Variants in RNF220 observed in about 807,000 individuals in gnomAD.
The protein encoded by RNF220 is ring finger protein 220, also known as E3 ubiquitin-protein ligase RNF220.
Under a neutral mutation model 67.1 loss-of-function variants are expected in RNF220, and 7 were observed. The observed-to-expected ratio is 0.10, with a 90% confidence interval of 0.06 to 0.20. The LOEUF (loss-of-function observed/expected upper bound fraction) is 0.20, where lower values mean the gene tolerates loss of function less well. RNF220 is among the 10% of genes least tolerant of loss of function. The pLI is 1.00. For synonymous variants in RNF220, 270 were observed against 283.2 expected (o/e 0.95, Z 0.47); for missense variants, 565 against 740.3 (o/e 0.76, Z 2.75).
At chr1:44,441,068 C>G (rs988296795) in intron 2 of RNF220, among the ~76,000 whole-genome samples, 1 of 152,154 alleles carries the variant, frequency 6.6e-6, no homozygotes, top group African/African-American at 2.4e-5. Context: ...CATCCCCTCA[C>G]CTAGAACCTG....
At chr1:44,480,049 A>G (rs758569359) in intron 2 of RNF220, among the ~76,000 whole-genome samples, 1 of 152,208 alleles carries the variant, frequency 6.6e-6, no homozygotes, top group Non-Finnish European at 1.5e-5. Flanking sequence ...GCCTAGTCCC[A>G]AAGCCAATGT....
At chr1:44,409,470 T>G (rs1202672323) in intron 1 of RNF220, among the ~76,000 whole-genome samples, 2 of 152,256 alleles carry the variant, frequency 1.3e-5, no homozygotes, top group African/African-American at 4.8e-5. Context: ...TCTCCTCCTT[T>G]CAGCGGGGAT....
chr1:44,651,124 C>T lies in RNF220; in HGVS notation c.*349C>T, dbSNP rs1468859293. 1.1e-5 allele frequency: 4 copies of T among 374,106 alleles called. No homozygotes were observed. The Admixed American group carries it at 1.1e-4, about 10-fold the overall frequency. 23.2% of individuals were successfully genotyped at this position (374,106 alleles called of 1,614,324 possible). On this transcript the variant is annotated 3_prime_UTR_variant, in exon 15 of 15. Coordinates refer to ENST00000361799, the MANE Select transcript of RNF220 (RefSeq NM_018150.4). ...ACAGACGGACAGACAGACATGCAAACACCAGACTGAAGCACATGTAATATA... is the reference window on the plus strand; with the variant it reads ...ACAGACGGACAGACAGACATGCAAATACCAGACTGAAGCACATGTAATATA...
In RNF220 at chr1:44,650,260, TGTAGGTAAACA is replaced by T. The variant is rs935149557; in HGVS notation, c.1629+305_1629+315del. Reference sequence around the variant, plus strand: ...GGCCTGGGGTCAGGAGGAGGCTGGCTGTAGGTAAACAGGACCAGGGCCTTGGCCCCTCCCCC... The same window carrying T: ...GGCCTGGGGTCAGGAGGAGGCTGGCTGGACCAGGGCCTTGGCCCCTCCCCC... On this transcript the variant is annotated intron_variant, in intron 14 of 14. Transcript: ENST00000361799. This position sits in a 1 kb window ranked among gnomAD's most constrained non-coding sequence, Gnocchi z 4.3. 1.9e-6 allele frequency: 1 copy of T among 529,078 alleles called. No homozygotes were observed. Among genetic ancestry groups the T allele is most frequent in the African/African-American group, 1.9e-5 (1 of 52,534 alleles). The allele number at this position is 529,078 out of a possible 1,614,324, so 32.8% of individuals were successfully genotyped here.
chr1:44,471,228 C>A (rs1654775180), intron 2 of RNF220, among the ~76,000 whole-genome samples: 1 of 151,832 alleles, frequency 6.6e-6, no homozygotes, highest in Admixed American at 6.6e-5. Context: ...GAGTTCGAGA[C>A]CAGCCTGGCC....
rs1644786223 is a variant in RNF220 at position 44,651,532 on chromosome 1, T to C, written c.*757T>C. 1 of 152,782 alleles carries C rather than the reference T, an allele frequency of 6.5e-6. No individual in the cohort carries two copies. The highest frequency in any genetic ancestry group is 2.4e-5 in the African/African-American group (1 of 41,438). 9.5% of individuals were successfully genotyped at this position (152,782 alleles called of 1,614,324 possible). A position where few individuals can be genotyped will look rare whatever the true frequency, so the allele number is the denominator to read the frequency against. ...GAGTTAGGGGGCTAGAGGACAGTGC[T>C]CCTGGCCACCCAGCCTCTGCTGAGA... On this transcript the variant is annotated 3_prime_UTR_variant, in exon 15 of 15. Transcript: ENST00000361799.
chr1:44,578,523 T>A (rs1664995598), intron 2 of RNF220, among the ~76,000 whole-genome samples: 1 of 152,116 alleles, frequency 6.6e-6, no homozygotes, highest in Non-Finnish European at 1.5e-5. Context: ...GATAGTAAAT[T>A]TAGAAGAAAG....
intron 2 of RNF220, among the ~76,000 whole-genome samples, chr1:44,491,313 GA>G (rs1198550048): frequency 2.0e-5 from 3 of 151,818 alleles, no homozygotes; most frequent in Non-Finnish European, 2.9e-5. Context: ...TAACTCTTAT[GA>G]ACATATATAT....
rs1041419807 is a variant in RNF220, at chr1:44,486,931, G to A, written c.625+74209G>A. ...ATCCATGCAAAAAGCCTAGAACAATGCCTGGCAAACAGCAAGTGCTCAATA... is the reference window on the plus strand; with the variant it reads ...ATCCATGCAAAAAGCCTAGAACAATACCTGGCAAACAGCAAGTGCTCAATA... On this transcript the variant is annotated intron_variant, in intron 2 of 14. Coordinates refer to ENST00000361799, the MANE Select transcript of RNF220 (RefSeq NM_018150.4). 2.6e-5 allele frequency among the ~76,000 whole-genome samples: 4 copies of A among 152,342 alleles called. 1 individual carries two copies. The highest frequency in any genetic ancestry group is 3.9e-4 in the East Asian group (2 of 5,192).
intron 2 of RNF220, among the ~76,000 whole-genome samples, chr1:44,595,621 G>A (rs1037553649): frequency 6.6e-6 from 1 of 152,110 alleles, no homozygotes; most frequent in African/African-American, 2.4e-5. Context: ...CAGCAATACT[G>A]AGCACGTGTT....
At chr1:44,462,097 T>C (rs12023170) in intron 2 of RNF220, among the ~76,000 whole-genome samples, 5,755 of 151,836 alleles carry the variant, frequency 0.038, 141 homozygotes, top group South Asian at 0.11. Flanking sequence ...CCGGCTAATT[T>C]TTTTTTCTTG....
chr1:44,591,967 T>G (rs1296286191), intron 2 of RNF220, among the ~76,000 whole-genome samples: 1 of 152,150 alleles, frequency 6.6e-6, no homozygotes, highest in East Asian at 1.9e-4. Context: ...GTATCTTAGG[T>G]GCTCAAGCCG....
intron 2 of RNF220, among the ~76,000 whole-genome samples, chr1:44,478,054 C>T (rs1430071861): frequency 1.3e-5 from 2 of 152,222 alleles, no homozygotes; most frequent in Non-Finnish European, 2.9e-5. Context: ...TCTCGGCTCA[C>T]TGCAGCCTCT....
intron 2 of RNF220, among the ~76,000 whole-genome samples, chr1:44,465,995 A>G (rs181664163): frequency 3.5e-4 from 53 of 152,300 alleles, no homozygotes; most frequent in Middle Eastern, 3.4e-3. Flanking sequence ...TGCCACATTG[A>G]CTTTTTATGA....
intron 2 of RNF220, among the ~76,000 whole-genome samples, chr1:44,460,707 T>A (rs1026490696): frequency 6.6e-6 from 1 of 152,244 alleles, no homozygotes; most frequent in Non-Finnish European, 1.5e-5. Context: ...TTTCCTCTGC[T>A]AGACTTTGGG....
intron 2 of RNF220, among the ~76,000 whole-genome samples, chr1:44,580,000 G>C (rs1665115564): frequency 1.7e-5 from 2 of 115,432 alleles, no homozygotes; most frequent in Middle Eastern, 9.6e-3. Context: ...CTGCACTCCA[G>C]CCAGGGCAAC....
At chr1:44,525,748 T>A (rs145501305) in intron 2 of RNF220, among the ~76,000 whole-genome samples, 304 of 152,300 alleles carry the variant, frequency 2.0e-3, no homozygotes, top group African/African-American at 7.0e-3. Context: ...CCACATGGAC[T>A]GTCCACATCC....
intron 2 of RNF220, among the ~76,000 whole-genome samples, chr1:44,488,795 A>G (rs1572657855): frequency 8.1e-6 from 1 of 122,780 alleles, no homozygotes; most frequent in Non-Finnish European, 1.6e-5. Flanking sequence ...CAGTGGTGCT[A>G]TCGGGCTCAC....
chr1:44,470,072 C>A (rs1407200125), intron 2 of RNF220, among the ~76,000 whole-genome samples: 1 of 152,036 alleles, frequency 6.6e-6, no homozygotes, highest in Non-Finnish European at 1.5e-5. Flanking sequence ...GAAACAAGAG[C>A]AGATGTGCAG....
Sources: allele counts gnomAD v4.1 joint callset (sites outside exome capture counted in the v4.1 genomes callset), GRCh38; gene constraint gnomAD v4.1.1; non-coding constraint Gnocchi (gnomAD v3.1); transcripts MANE v1.5; gene names NCBI Gene and HGNC (gene_info 2026-07-23, HGNC 2026-07-21).